The following PTPRK variants were observed in gnomAD, a reference collection of about 807,000 sequenced individuals.
PTPRK encodes protein tyrosine phosphatase receptor type K.
In PTPRK, 75 loss-of-function variants were observed where a neutral mutation model predicts 178.0. That is an observed-to-expected ratio of 0.42 (90% CI 0.35 to 0.51). PTPRK has a LOEUF of 0.51. Ranked by LOEUF, PTPRK falls within the 20% of genes least tolerant of loss-of-function variation. The pLI is 0.02. For missense variants in PTPRK, 1,441 were observed against 1,797.8 expected (o/e 0.80, Z 3.59); for synonymous variants, 637 against 620.6 (o/e 1.03, Z -0.39).
intron 6 of PTPRK, among the ~76,000 whole-genome samples, chr6:128,203,621 A>G (rs1806368417): frequency 6.6e-6 from 1 of 152,162 alleles, no homozygotes; most frequent in African/African-American, 2.4e-5. Flanking sequence ...GCAGTCCTAT[A>G]CCCCAACAAG....
intron 7 of PTPRK, among the ~76,000 whole-genome samples, chr6:128,177,216 T>G (rs533039842): frequency 6.6e-6 from 1 of 151,908 alleles, no homozygotes; most frequent in African/African-American, 2.4e-5. Context: ...TTTAAAATTC[T>G]ATCTAGGTCA....
intron 3 of PTPRK, among the ~76,000 whole-genome samples, chr6:128,319,091 T>C (rs897851527): frequency 4.6e-5 from 7 of 152,176 alleles, no homozygotes; most frequent in Admixed American, 4.6e-4. Context: ...AAATTTACAT[T>C]TGCTGGCTCT....
chr6:128,244,783 ACTGTGAAAG>A (rs904924307), intron 3 of PTPRK, among the ~76,000 whole-genome samples: 1 of 152,190 alleles, frequency 6.6e-6, no homozygotes, highest in African/African-American at 2.4e-5. Context: ...GGAGGTGAAA[ACTGTGAAAG>A]CTTGGTGCAG....
intron 7 of PTPRK, 38 bp downstream of exon 7, chr6:128,184,394 C>A: frequency 6.3e-7 from 1 of 1,591,010 alleles, no homozygotes. Context: ...ATGCTAGATT[C>A]CTTCACAAGG....
intron 13 of PTPRK, among the ~76,000 whole-genome samples, chr6:128,023,251 C>T (rs1007066242): frequency 6.6e-6 from 1 of 152,192 alleles, no homozygotes; most frequent in African/African-American, 2.4e-5. Flanking sequence ...CGAGTGATTT[C>T]TAATTTTCTT....
At chr6:128,175,171 C>T (rs977537299) in intron 7 of PTPRK, among the ~76,000 whole-genome samples, 6 of 151,810 alleles carry the variant, frequency 4.0e-5, no homozygotes, top group East Asian at 3.9e-4. Flanking sequence ...GGTTTTTCTC[C>T]TACAATAGCT....
chr6:128,475,723 G>C (rs1851295467), intron 1 of PTPRK, among the ~76,000 whole-genome samples: 1 of 151,958 alleles, frequency 6.6e-6, no homozygotes, highest in Admixed American at 6.6e-5. Context: ...CATCACTGTG[G>C]GTTATGGTCT....
intron 13 of PTPRK, among the ~76,000 whole-genome samples, chr6:128,013,104 A>C (rs527354691): frequency 5.3e-4 from 80 of 151,394 alleles, no homozygotes; most frequent in African/African-American, 1.8e-3. Context: ...GTGACCTCTT[A>C]ATAGCATGTG....
chr6:128,445,382 T>C (rs956495184), intron 1 of PTPRK, among the ~76,000 whole-genome samples: 1 of 148,944 alleles, frequency 6.7e-6, no homozygotes, highest in African/African-American at 2.5e-5. Flanking sequence ...AGTATATTTG[T>C]ATAATATGCT....
chr6:128,511,773 ACT>A (rs1857224523), intron 1 of PTPRK, among the ~76,000 whole-genome samples: 1 of 152,120 alleles, frequency 6.6e-6, no homozygotes, highest in African/African-American at 2.4e-5. Context: ...ACGAATCTTG[ACT>A]CTACCAGTGA....
intron 2 of PTPRK, among the ~76,000 whole-genome samples, chr6:128,368,232 G>T (rs1310015503): frequency 6.6e-6 from 1 of 151,942 alleles, no homozygotes; most frequent in Admixed American, 6.6e-5. Flanking sequence ...ACAGAGAGCA[G>T]AGAATATAAA....
intron 6 of PTPRK, among the ~76,000 whole-genome samples, chr6:128,217,221 G>A (rs533798567): frequency 3.9e-5 from 6 of 152,262 alleles, no homozygotes; most frequent in African/African-American, 1.2e-4. Context: ...GCCTAAATAC[G>A]GAAGTCAAAT....
chr6:128,192,873 A>C (rs1583416747), intron 6 of PTPRK, among the ~76,000 whole-genome samples: 1 of 91,708 alleles, frequency 1.1e-5, no homozygotes, highest in Non-Finnish European at 2.1e-5. Flanking sequence ...GGAAGCGGGG[A>C]GGGGAGGAGA....
chr6:128,217,887 C>A (rs1056059826), intron 6 of PTPRK, among the ~76,000 whole-genome samples: 1 of 152,190 alleles, frequency 6.6e-6, no homozygotes. Context: ...TCTCACACTT[C>A]TCCTCGAAGA....
intron 1 of PTPRK, among the ~76,000 whole-genome samples, chr6:128,491,070 T>C (rs1853699592): frequency 6.6e-6 from 1 of 152,224 alleles, no homozygotes; most frequent in Admixed American, 6.5e-5. Flanking sequence ...TAACAAACAG[T>C]ATAAAACAAT....
chr6:128,343,581 A>G (rs1365843975), intron 2 of PTPRK, among the ~76,000 whole-genome samples: 2 of 152,084 alleles, frequency 1.3e-5, no homozygotes, highest in African/African-American at 4.8e-5. Context: ...TAGCATTTAA[A>G]GACAAAAAAT....
At chr6:128,231,357 T>C (rs1002727573) in intron 5 of PTPRK, among the ~76,000 whole-genome samples, 2 of 152,196 alleles carry the variant, frequency 1.3e-5, no homozygotes, top group Admixed American at 6.5e-5. Flanking sequence ...AGTGTATACA[T>C]GGCAAAATCA....
chr6:128,071,151 T>C (rs978185724), intron 11 of PTPRK, among the ~76,000 whole-genome samples: 1 of 151,586 alleles, frequency 6.6e-6, no homozygotes, highest in African/African-American at 2.4e-5. Flanking sequence ...ACGGACCTTA[T>C]ATTCACTTTT....
chr6:128,162,823 G>C (rs940724864), intron 7 of PTPRK, among the ~76,000 whole-genome samples: 1 of 151,408 alleles, frequency 6.6e-6, no homozygotes, highest in Non-Finnish European at 1.5e-5. Flanking sequence ...TTGTGCCTTC[G>C]GGTTTTCTGT....
Sources: allele counts gnomAD v4.1 joint callset (sites outside exome capture counted in the v4.1 genomes callset), GRCh38; gene constraint gnomAD v4.1.1; transcripts MANE v1.5; gene names NCBI Gene and HGNC (gene_info 2026-07-23, HGNC 2026-07-21).